Variants in CCDC141 observed in about 807,000 individuals in gnomAD.
CCDC141 encodes the protein coiled-coil domain-containing protein 141.
A neutral mutation model predicts 181.0 loss-of-function variants in CCDC141; 168 were observed. The observed-to-expected ratio is 0.93, with a 90% CI of 0.82 to 1.05. The LOEUF (loss-of-function observed/expected upper bound fraction) is 1.05, where lower values mean the gene tolerates loss of function less well. Ranked by LOEUF, CCDC141 falls within the 50% of genes least tolerant of loss-of-function variation. The pLI is 0.00. For missense variants in CCDC141, 1,902 were observed against 1,788.5 expected, an observed-to-expected ratio of 1.06 and a Z score of -1.14; for synonymous variants, 666 against 642.3, an observed-to-expected ratio of 1.04 and a Z score of -0.56.
chr2:179,016,429 A>G (rs1446674639), intron 2 of CCDC141, among the ~76,000 whole-genome samples: 3 of 152,172 alleles, frequency 2.0e-5, no homozygotes, highest in Non-Finnish European at 2.9e-5. Context: ...GAGAAAGAGA[A>G]AGAAAATATG....
intron 11 of CCDC141, among the ~76,000 whole-genome samples, chr2:178,879,990 G>A (rs1481946362): frequency 2.0e-5 from 3 of 152,174 alleles, no homozygotes; most frequent in African/African-American, 7.2e-5. Context: ...GTTTCCTGCT[G>A]TAACCAATAT....
chr2:178,870,701 T>C (rs1558942908), intron 14 of CCDC141, among the ~76,000 whole-genome samples: 1 of 152,202 alleles, frequency 6.6e-6, no homozygotes, highest in East Asian at 1.9e-4. Context: ...ATCTTCAATA[T>C]TCTGATTCTG....
Position 178,942,790 on chromosome 2 carries a change from C to T in CCDC141, c.897+1745G>A, listed in dbSNP as rs939418282. 2.6e-5 allele frequency among the ~76,000 whole-genome samples: 4 copies of T among 152,168 alleles called. No homozygotes were observed. The South Asian group carries it at 6.2e-4, about 24-fold the overall frequency. On this transcript the variant is annotated intron_variant, in intron 6 of 23. Transcript: ENST00000443758. ...TGTATATGGGAAATCTTTATGCCTT[C>T]CTCTCAATTTTGCTGTGAACTTAAA...
At position 178,958,848 on chromosome 2, in the gene CCDC141, C is replaced by T. The variant is rs563787690; in HGVS notation, c.780+2382G>A. Among the ~76,000 whole-genome samples the T allele has an allele frequency of 4.4e-4, 66 of 148,994 alleles. No homozygotes were observed. The South Asian group carries it at 0.014, about 31-fold the overall frequency. On this transcript the variant is annotated intron_variant, in intron 5 of 23. Coordinates refer to ENST00000443758, the MANE Select transcript of CCDC141 (RefSeq NM_173648.4). ...AGCTATTTTCTTACTCTTGGGAAAA[C>T]TGTTCTGTTTGGGAAGCCTCTTTGA...
rs1226970340 is a variant in CCDC141, at chr2:178,961,241, G to T, written c.769C>A (p.Gln257Lys). The change falls in exon 5 of 24, where the codon CAA (glutamine) becomes AAA (lysine). Residue 257 changes from glutamine (Q) to lysine (K), a missense_variant. Physicochemically the swap from Gln to Lys is moderately conservative, Grantham distance 53 (BLOSUM62 1). Transcript: ENST00000443758. ...QVLQICQWDQ[Q>K]ENQVTCWFQK... ...CCCCTTTGGGTTACCTGGTTTTCTT[G>T]TTGGTCCCACTGACATATCTGCAGA... is the stretch of plus-strand genomic sequence containing the variant. The T allele has an allele frequency of 6.5e-7, 1 of 1,550,218 alleles. No individual in the cohort carries two copies. The highest frequency in any genetic ancestry group is 8.7e-7 in the Non-Finnish European group (1 of 1,146,698).
intron 2 of CCDC141, among the ~76,000 whole-genome samples, chr2:178,989,280 C>T (rs75509112): frequency 1.3e-5 from 2 of 151,940 alleles, no homozygotes; most frequent in African/African-American, 4.8e-5. Flanking sequence ...TCAGAATATA[C>T]AAAGAGCTCT....
At chr2:179,011,899 A>C (rs1451413124) in intron 2 of CCDC141, among the ~76,000 whole-genome samples, 1 of 152,198 alleles carries the variant, frequency 6.6e-6, no homozygotes, top group Non-Finnish European at 1.5e-5. Context: ...ATCCAGATGG[A>C]AATTTAAAAA....
rs1688294142 is a variant in CCDC141 at position 178,913,160 on chromosome 2, A to T, written c.1092+5553T>A. Among the ~76,000 whole-genome samples, 3 of 152,318 alleles carry T rather than the reference A, an allele frequency of 2.0e-5. No individual in the cohort carries two copies. The South Asian group carries it at 6.2e-4, about 32-fold the overall frequency. On this transcript the variant is annotated intron_variant, in intron 7 of 23. Coordinates refer to ENST00000443758, the MANE Select transcript of CCDC141 (RefSeq NM_173648.4). ...GATGCATGGCAAGAATAGGAACACA[A>T]CATACTAGCTGAATGCAAATATGGA...
At chr2:178,866,039 T>C (rs1432599122) in intron 16 of CCDC141, 123 bp from the exon 17 acceptor site, 3 of 736,038 alleles carry the variant, frequency 4.1e-6, no homozygotes, top group Admixed American at 3.3e-5. Flanking sequence ...AGGTTCCTGA[T>C]TTATTTTACC....
At chr2:179,036,374 T>C (rs1000009157) in intron 2 of CCDC141, among the ~76,000 whole-genome samples, 5 of 152,234 alleles carry the variant, frequency 3.3e-5, no homozygotes, top group African/African-American at 1.2e-4. Context: ...CCTATTTTAA[T>C]GGACACCGTA....
chr2:178,914,198 A>C (rs1311897604), intron 7 of CCDC141, among the ~76,000 whole-genome samples: 1 of 152,214 alleles, frequency 6.6e-6, no homozygotes, highest in Non-Finnish European at 1.5e-5. Flanking sequence ...CCATGTTCTC[A>C]TAAGTCTTAG....
At chr2:179,016,389 TA>T (rs1207765512) in intron 2 of CCDC141, among the ~76,000 whole-genome samples, 4 of 151,984 alleles carry the variant, frequency 2.6e-5, no homozygotes, top group African/African-American at 9.7e-5. Flanking sequence ...AAAAAATGTA[TA>T]CATATAAACA....
At chr2:179,000,933 T>C (rs2154383347) in intron 2 of CCDC141, among the ~76,000 whole-genome samples, 1 of 152,308 alleles carries the variant, frequency 6.6e-6, no homozygotes, top group East Asian at 1.9e-4. Flanking sequence ...AACTGTTTTT[T>C]ATTCCTTGTG....
intron 14 of CCDC141, among the ~76,000 whole-genome samples, chr2:178,869,719 A>G (rs1686023910): frequency 6.6e-6 from 1 of 152,236 alleles, no homozygotes; most frequent in African/African-American, 2.4e-5. Context: ...GTGTAAAAAT[A>G]TATCAGGGGA....
intron 2 of CCDC141, among the ~76,000 whole-genome samples, chr2:179,033,022 A>G (rs2043042478): frequency 1.4e-5 from 2 of 147,686 alleles, no homozygotes; most frequent in African/African-American, 4.9e-5. Context: ...ATATAATATT[A>G]TATATATTAT....
Position 178,850,054 on chromosome 2 carries a change from G to A in CCDC141, c.3352C>T (p.Leu1118=). The A allele has an allele frequency of 6.5e-7, 1 of 1,545,034 alleles. No homozygotes were observed. Reference sequence around the variant, plus strand: ...TTCTAGGAAGAAGAAATTACCTTCAGTTTTTCTTCGAGCTCTGTGAGGGAC... The same window carrying A: ...TTCTAGGAAGAAGAAATTACCTTCAATTTTTCTTCGAGCTCTGTGAGGGAC... ...CESLTELEEK[L]KQGDVLKMNP... Residue 1118 remains leucine, a synonymous_variant, in exon 21 of 24, where the codon CTG becomes TTG. Transcript: ENST00000443758.
chr2:178,819,124 A>T, the CCDC141 span, among the ~76,000 whole-genome samples: 1 of 152,222 alleles, frequency 6.6e-6, no homozygotes, highest in African/African-American at 2.4e-5. Context: ...ATTTAAACAG[A>T]AGTAATAAAG....
intron 6 of CCDC141, among the ~76,000 whole-genome samples, chr2:178,939,413 G>A (rs899646459): frequency 2.0e-5 from 3 of 152,122 alleles, no homozygotes; most frequent in African/African-American, 7.2e-5. Context: ...AAGGTTGGAT[G>A]CCATAGTCAG....
intron 2 of CCDC141, among the ~76,000 whole-genome samples, chr2:179,006,730 T>C (rs1371114707): frequency 6.6e-6 from 1 of 152,178 alleles, no homozygotes; most frequent in Non-Finnish European, 1.5e-5. Context: ...AATAAAACCA[T>C]TGTTTTCACT....
Sources: gnomAD v4.1 joint callset for allele counts (sites outside exome capture counted in the v4.1 genomes callset) on GRCh38, gnomAD v4.1.1 for gene constraint, MANE v1.5 for transcripts, NCBI Gene and HGNC (gene_info 2026-07-23, HGNC 2026-07-21) for gene names.